Variants in KCNH7 observed in about 807,000 individuals in gnomAD.
KCNH7 encodes the protein potassium voltage-gated channel subfamily H member 7, also known as voltage-gated inwardly rectifying potassium channel KCNH7.
KCNH7 carries 49 observed loss-of-function variants against 120.8 expected under a neutral mutation model. The ratio of observed to expected loss-of-function variants is 0.41; its 90% CI spans 0.32 to 0.51. The LOEUF is 0.51. KCNH7 is among the 20% of genes least tolerant of loss of function. The pLI, the probability that KCNH7 is intolerant of heterozygous loss-of-function variation, is 0.38. For synonymous variants in KCNH7, 547 were observed against 516.1 expected, an observed-to-expected ratio of 1.06 and a Z score of -0.81; for missense variants, 1,097 against 1,446.6, an observed-to-expected ratio of 0.76 and a Z score of 3.92.
chr2:162,470,687 C>T (rs1236344255), intron 6 of KCNH7, among the ~76,000 whole-genome samples: 4 of 151,952 alleles, frequency 2.6e-5, no homozygotes, highest in Non-Finnish European at 4.4e-5. Context: ...TCTGCCCAGC[C>T]GCCCCTACTG....
Position 162,423,435 on chromosome 2 carries a change from C to T in KCNH7, c.2055G>A (p.Glu685=), listed in dbSNP as rs564994913. 8 of 1,614,026 alleles carry T rather than the reference C, an allele frequency of 5.0e-6. No homozygotes were observed. The South Asian group carries it at 7.7e-5, about 16-fold the overall frequency. ...RYHMQMLRVK[E]FIRFHQIPNP... ...TGGGGATTTGGTGAAAGCGAATGAA[C>T]TCTTTTACTCGCAGCATCTGCATGT... The change falls in exon 9 of 16, where the codon GAG becomes GAA. Residue 685 remains glutamate, a synonymous_variant. Transcript: ENST00000332142.
rs151127681 is a variant in KCNH7, at chr2:162,713,647, T to C, written c.307+122890A>G. ...ATGTTTATTTCGATAAAAAATTATT[T>C]AATTTAAAAAATAAAGATGATTTGA... On this transcript the variant is annotated intron_variant, in intron 2 of 15. Transcript: ENST00000332142. Among the ~76,000 whole-genome samples, 90 of 152,344 alleles carry C rather than the reference T, an allele frequency of 5.9e-4. 1 individual carries two copies. The highest frequency in any genetic ancestry group is 2.1e-3 in the African/African-American group (89 of 41,582).
chr2:162,600,372 G>A (rs888853421), intron 2 of KCNH7, among the ~76,000 whole-genome samples: 8 of 151,974 alleles, frequency 5.3e-5, no homozygotes, highest in Non-Finnish European at 1.0e-4. Flanking sequence ...CACAAATTAC[G>A]GCACCCCACT....
chr2:162,435,958 TAAAC>T (rs919309466), intron 7 of KCNH7, among the ~76,000 whole-genome samples: 2 of 152,104 alleles, frequency 1.3e-5, no homozygotes, highest in Non-Finnish European at 2.9e-5. Flanking sequence ...ATTATAGTGT[TAAAC>T]AAACAGACAT....
chr2:162,729,089 A>G (rs1687627737), intron 2 of KCNH7, among the ~76,000 whole-genome samples: 1 of 150,820 alleles, frequency 6.6e-6, no homozygotes, highest in Non-Finnish European at 1.5e-5. Flanking sequence ...TGGCCCATAT[A>G]TATGTACATC....
In KCNH7 at chr2:162,532,057, C is replaced by T. The variant is rs75096255; in HGVS notation, c.463+4868G>A. 3.5e-3 allele frequency among the ~76,000 whole-genome samples: 528 copies of T among 151,918 alleles called. 19 individuals carry two copies. In the East Asian group the frequency reaches 0.091, roughly 26 times the overall value. On this transcript the variant is annotated intron_variant, in intron 3 of 15. Coordinates refer to ENST00000332142, the MANE Select transcript of KCNH7 (RefSeq NM_033272.4). The stretch of plus-strand genomic sequence containing the variant: ...TAAATTACCAAATCCTCATGGACCC[C>T]TATATAAACCTTGGAGATTTAATAA...
intron 2 of KCNH7, among the ~76,000 whole-genome samples, chr2:162,821,867 T>G (rs961619172): frequency 1.3e-5 from 2 of 151,984 alleles, no homozygotes; most frequent in African/African-American, 4.8e-5. Context: ...AGTTTACACC[T>G]CACTGTGTGA....
intron 2 of KCNH7, among the ~76,000 whole-genome samples, chr2:162,551,840 AAAGATT>A (rs1692678788): frequency 6.6e-6 from 1 of 152,146 alleles, no homozygotes; most frequent in Admixed American, 6.5e-5. Context: ...TTAAGAGAGA[AAAGATT>A]ATAATAGCAC....
chr2:162,505,273 A>G (rs1690831432), intron 5 of KCNH7, among the ~76,000 whole-genome samples: 1 of 151,906 alleles, frequency 6.6e-6, no homozygotes, highest in Non-Finnish European at 1.5e-5. Context: ...TGTGTACTCT[A>G]TTGAAAACTC....
intron 6 of KCNH7, among the ~76,000 whole-genome samples, chr2:162,476,843 C>T (rs1689763761): frequency 6.6e-6 from 1 of 152,158 alleles, no homozygotes; most frequent in African/African-American, 2.4e-5. Context: ...CCAGTGGAAA[C>T]ACAGCTTCTC....
At chr2:162,468,169 C>A (rs1689371291) in intron 6 of KCNH7, among the ~76,000 whole-genome samples, 1 of 152,106 alleles carries the variant, frequency 6.6e-6, no homozygotes, top group South Asian at 2.1e-4. Flanking sequence ...AGTGGCTCCA[C>A]TTTTATGTGT....
At chr2:162,444,206 C>G (rs547300556) in intron 7 of KCNH7, among the ~76,000 whole-genome samples, 4 of 152,306 alleles carry the variant, frequency 2.6e-5, no homozygotes, top group African/African-American at 9.6e-5. Flanking sequence ...CCCTACCCCT[C>G]TTCCTCAATT....
chr2:162,583,591 A>C (rs1693943653), intron 2 of KCNH7, among the ~76,000 whole-genome samples: 1 of 152,098 alleles, frequency 6.6e-6, no homozygotes, highest in South Asian at 2.1e-4. Context: ...GACCTATAAT[A>C]ATTTTACTGT....
intron 13 of KCNH7, among the ~76,000 whole-genome samples, chr2:162,380,334 A>T (rs1686373149): frequency 6.6e-6 from 1 of 152,180 alleles, no homozygotes; most frequent in Non-Finnish European, 1.5e-5. Flanking sequence ...AACTGATTAG[A>T]GAACAATGAG....
At chr2:162,798,372 C>T (rs1339123749) in intron 2 of KCNH7, among the ~76,000 whole-genome samples, 1 of 152,050 alleles carries the variant, frequency 6.6e-6, no homozygotes, top group Non-Finnish European at 1.5e-5. Context: ...CTTTGACCTA[C>T]ATTACAACTG....
intron 3 of KCNH7, 22 bp downstream of exon 3, chr2:162,536,903 G>A: frequency 6.2e-7 from 1 of 1,602,600 alleles, no homozygotes; most frequent in East Asian, 2.2e-5. Flanking sequence ...AGAGCATTGA[G>A]TACACATTGC....
At chr2:162,382,781 C>A (rs187236074) in intron 13 of KCNH7, among the ~76,000 whole-genome samples, 1 of 151,888 alleles carries the variant, frequency 6.6e-6, no homozygotes, top group Non-Finnish European at 1.5e-5. Context: ...TCTTAAAAAT[C>A]ATTAAGGAAT....
intron 2 of KCNH7, among the ~76,000 whole-genome samples, chr2:162,738,767 T>C: frequency 6.6e-6 from 1 of 152,224 alleles, no homozygotes; most frequent in South Asian, 2.1e-4. Context: ...GGAGGATAAC[T>C]AAAAGAAATA....
chr2:162,699,968 A>G (rs1052081186), intron 2 of KCNH7, among the ~76,000 whole-genome samples: 1 of 152,158 alleles, frequency 6.6e-6, no homozygotes, highest in Admixed American at 6.6e-5. Flanking sequence ...GAAAAGAGAA[A>G]AATTACTTTT....
Sources: allele counts gnomAD v4.1 joint callset (sites outside exome capture counted in the v4.1 genomes callset), GRCh38; gene constraint gnomAD v4.1.1; transcripts MANE v1.5; gene names NCBI Gene and HGNC (gene_info 2026-07-23, HGNC 2026-07-21).